Variants in WWOX observed in about 807,000 individuals in gnomAD.
The protein encoded by WWOX is WW domain containing oxidoreductase, also known as WW domain-containing oxidoreductase.
Under a neutral mutation model 46.2 loss-of-function variants are expected in WWOX, and 69 were observed. The observed-to-expected ratio is 1.49, with a 90% CI of 1.23 to 1.82. WWOX has a LOEUF of 1.82. Among genes scored for constraint, WWOX ranks in the 40% most tolerant of loss-of-function variants. The probability of loss-of-function intolerance (pLI) is 0.00; values close to 1 mark genes in which losing one functional copy is unlikely to be tolerated. For missense variants in WWOX, 919 were observed against 542.6 expected (o/e 1.69, Z -6.89); for synonymous variants, 359 against 202.6 (o/e 1.77, Z -6.56).
chr16:78,362,769 C>G (rs138115474), intron 5 of WWOX, among the ~76,000 whole-genome samples: 3 of 152,180 alleles, frequency 2.0e-5, no homozygotes, highest in Non-Finnish European at 4.4e-5. Flanking sequence ...TACTATGTGT[C>G]CAGTAGATAA....
chr16:78,156,669 A>G (rs2034612062), intron 4 of WWOX, among the ~76,000 whole-genome samples: 1 of 152,182 alleles, frequency 6.6e-6, no homozygotes, highest in Non-Finnish European at 1.5e-5. Flanking sequence ...CACGCCTGTA[A>G]TCCCAGCACT....
intron 8 of WWOX, among the ~76,000 whole-genome samples, chr16:78,999,239 T>C (rs1490327176): frequency 6.6e-6 from 1 of 151,342 alleles, no homozygotes; most frequent in Non-Finnish European, 1.5e-5. Flanking sequence ...GGGAGGCCAA[T>C]GCAGGCGGAT....
intron 8 of WWOX, among the ~76,000 whole-genome samples, chr16:78,485,171 T>C (rs2084601062): frequency 6.6e-6 from 1 of 152,232 alleles, no homozygotes; most frequent in Admixed American, 6.5e-5. Context: ...AGTTTATTTT[T>C]ACAGTAATTT....
chr16:78,781,321 G>GA (rs1185444341), intron 8 of WWOX, among the ~76,000 whole-genome samples: 1 of 152,112 alleles, frequency 6.6e-6, no homozygotes, highest in Non-Finnish European at 1.5e-5. Context: ...GGAAGGACAG[G>GA]AAAGGGGAGC....
intron 8 of WWOX, chr16:78,896,839 C>G (rs1408208743): frequency 2.0e-5 from 3 of 151,876 alleles, no homozygotes; most frequent in African/African-American, 7.3e-5. Context: ...AATTTATGTT[C>G]TATAAAATTA....
intron 8 of WWOX, among the ~76,000 whole-genome samples, chr16:78,734,160 C>G (rs1429734375): frequency 1.3e-5 from 2 of 152,092 alleles, no homozygotes; most frequent in Non-Finnish European, 2.9e-5. Context: ...GTATTAAATT[C>G]TAGTTAGAGA....
At chr16:78,541,473 CAAAAAAAAAAAAAAAAAAA>C (rs59900108) in intron 8 of WWOX, among the ~76,000 whole-genome samples, 5 of 45,144 alleles carry the variant, frequency 1.1e-4, no homozygotes, top group African/African-American at 3.3e-4. Context: ...GACTCCGTCT[CAAAAAAAAAAAAAAAAAAA>C]AAAAAAAAAA....
At chr16:78,572,117 C>G (rs1483911081) in intron 8 of WWOX, among the ~76,000 whole-genome samples, 1 of 152,156 alleles carries the variant, frequency 6.6e-6, no homozygotes, top group South Asian at 2.1e-4. Flanking sequence ...CTAGGAAAAG[C>G]TCAGGAATGT....
Position 78,356,207 on chromosome 16 carries a change from C to CAT in WWOX, c.517-30648_517-30647dup, listed in dbSNP as rs1207143471. Among the ~76,000 whole-genome samples, 3 of 151,426 alleles carry CAT rather than the reference C, an allele frequency of 2.0e-5. No individual in the cohort carries two copies. The East Asian group carries it at 5.8e-4, about 29-fold the overall frequency. ...GTCTCAAAATAAATAAATAAAAATGCATATATGTATATTTGTGTGAATCAT... is the reference window on the plus strand; with the variant it reads ...GTCTCAAAATAAATAAATAAAAATGCATATATATGTATATTTGTGTGAATCAT... On this transcript the variant is annotated intron_variant, in intron 5 of 8. Transcript: ENST00000566780.
intron 5 of WWOX, among the ~76,000 whole-genome samples, chr16:78,191,171 C>T (rs187787116): frequency 6.6e-6 from 1 of 152,280 alleles, no homozygotes; most frequent in East Asian, 1.9e-4. Context: ...CTGGAGCCTC[C>T]CAAGGCCAAG....
At chr16:78,907,323 C>G (rs1367420001) in intron 8 of WWOX, among the ~76,000 whole-genome samples, 4 of 152,262 alleles carry the variant, frequency 2.6e-5, no homozygotes, top group African/African-American at 9.6e-5. Context: ...GAAGGCCAAC[C>G]TTAGGTTCTA....
chr16:78,360,149 C>G (rs1036549581), intron 5 of WWOX, among the ~76,000 whole-genome samples: 1 of 152,160 alleles, frequency 6.6e-6, no homozygotes, highest in African/African-American at 2.4e-5. Context: ...CACTATTCCC[C>G]CATCAACAAT....
chr16:78,458,258 GTTTT>G lies in WWOX; in HGVS notation c.1056+25523_1056+25526del, dbSNP rs78333090. 6.4e-3 allele frequency among the ~76,000 whole-genome samples: 775 copies of G among 120,956 alleles called. 4 individuals are homozygous for G. Among genetic ancestry groups the G allele is most frequent in the African/African-American group, 0.02 (703 of 34,602 alleles). The allele number at this position is 120,956 out of a possible 152,430, so 79.4% of individuals were successfully genotyped here. A position where few individuals can be genotyped will look rare whatever the true frequency, so the allele number is the denominator to read the frequency against. On this transcript the variant is annotated intron_variant, in intron 8 of 8. Coordinates refer to ENST00000566780, the MANE Select transcript of WWOX (RefSeq NM_016373.4). ...ATTAATTAATTGTTTCATTGGTATA[GTTTT>G]TTTTTTTTTTTTTTTTGATACAGGG...
At chr16:78,491,907 C>T (rs940233677) in intron 8 of WWOX, among the ~76,000 whole-genome samples, 5 of 152,142 alleles carry the variant, frequency 3.3e-5, no homozygotes, top group Admixed American at 3.3e-4. Flanking sequence ...TTTTCATTAC[C>T]CTTATCAAGA....
intron 8 of WWOX, among the ~76,000 whole-genome samples, chr16:78,518,412 G>C (rs370355195): frequency 6.6e-6 from 1 of 151,978 alleles, no homozygotes; most frequent in African/African-American, 2.4e-5. Context: ...TTAGAGATGG[G>C]ATTTCACCAT....
rs17795379 is a variant in WWOX, at chr16:78,691,368, A to G, written c.1056+258616A>G. ...CTTTATCTTATGACAAAGGTGACAG[A>G]AAGGAAATCTCCTAAGTTGGCCTAC... On this transcript the variant is annotated intron_variant, in intron 8 of 8. Transcript: ENST00000566780. 17,524 of 687,888 alleles carry G rather than the reference A, an allele frequency of 0.025. 1,940 individuals are homozygous for G. The highest frequency in any genetic ancestry group is 0.24 in the Admixed American group (11,382 of 48,214). 42.6% of individuals were successfully genotyped at this position (687,888 alleles called of 1,614,324 possible).
At position 78,734,092 on chromosome 16, in the gene WWOX, G is replaced by T. The variant is rs367603491; in HGVS notation, c.1056+301340G>T. On this transcript the variant is annotated intron_variant, in intron 8 of 8. Transcript: ENST00000566780. ...AAAAACACAAAAAACTAAATAAGTC[G>T]TCCATCCGTCCATCTATTCATACAC... Among the ~76,000 whole-genome samples the T allele has an allele frequency of 5.9e-5, 9 of 151,780 alleles. No homozygotes were observed. In the East Asian group the frequency reaches 1.4e-3, roughly 23 times the overall value.
At chr16:78,667,103 C>T (rs1165900917) in intron 8 of WWOX, among the ~76,000 whole-genome samples, 3 of 152,170 alleles carry the variant, frequency 2.0e-5, no homozygotes, top group Admixed American at 2.0e-4. Flanking sequence ...TTTTTAAATT[C>T]AGTCACGTCT....
At chr16:79,108,543 C>T (rs2049354123) in intron 8 of WWOX, among the ~76,000 whole-genome samples, 1 of 152,250 alleles carries the variant, frequency 6.6e-6, no homozygotes, top group Non-Finnish European at 1.5e-5. Context: ...CTGGGCACTT[C>T]ATATGCCATT....
Sources: allele counts gnomAD v4.1 joint callset (sites outside exome capture counted in the v4.1 genomes callset), GRCh38; gene constraint gnomAD v4.1.1; transcripts MANE v1.5; gene names NCBI Gene and HGNC (gene_info 2026-07-23, HGNC 2026-07-21).